Variants in PDE4D observed in about 807,000 individuals in gnomAD.
The protein encoded by PDE4D is phosphodiesterase 4D, also known as 3',5'-cyclic-AMP phosphodiesterase 4D.
A neutral mutation model predicts 87.4 loss-of-function variants in PDE4D; 24 were observed. That is an observed-to-expected ratio of 0.27 (90% CI 0.20 to 0.39). The LOEUF is 0.39. Ranked by LOEUF, PDE4D falls within the 10% of genes least tolerant of loss-of-function variation. The probability of loss-of-function intolerance (pLI) is 1.00; values close to 1 mark genes in which losing one functional copy is unlikely to be tolerated. For missense variants in PDE4D, 714 were observed against 1,041.0 expected, an observed-to-expected ratio of 0.69 and a Z score of 4.32; for synonymous variants, 384 against 383.2, an observed-to-expected ratio of 1.00 and a Z score of -0.02.
At chr5:59,742,466 C>T (rs1270728849) in intron 1 of PDE4D, among the ~76,000 whole-genome samples, 1 of 152,136 alleles carries the variant, frequency 6.6e-6, no homozygotes, top group East Asian at 1.9e-4. Flanking sequence ...TTATTTATTC[C>T]TATTTAGCAA....
chr5:60,114,602 T>C lies in PDE4D; in HGVS notation c.42+70955A>G, dbSNP rs535808720. Among the ~76,000 whole-genome samples the C allele has an allele frequency of 9.2e-5, 14 of 152,148 alleles. 1 individual carries two copies. In the South Asian group the frequency reaches 2.7e-3, roughly 29 times the overall value. ...GTTCCCAATGGTGGACAGGATATAC[T>C]AAAGAAAAACCAAATGATTCATTCC... On this transcript the variant is annotated intron_variant, in intron 2 of 16. Coordinates refer to the PDE4D transcript ENST00000502484.
At chr5:59,031,873 G>C (rs1015639923) in intron 6 of PDE4D, among the ~76,000 whole-genome samples, 2 of 151,966 alleles carry the variant, frequency 1.3e-5, no homozygotes, top group African/African-American at 4.8e-5. Context: ...TCACTTTATG[G>C]GGAATCTAGA....
intron 1 of PDE4D, among the ~76,000 whole-genome samples, chr5:59,293,208 T>C (rs1054183655): frequency 3.9e-5 from 6 of 152,140 alleles, no homozygotes; most frequent in African/African-American, 1.4e-4. Context: ...ACTAAAGCAA[T>C]AATATGGCTT....
chr5:59,719,020 A>G (rs889542831), intron 1 of PDE4D, among the ~76,000 whole-genome samples: 1 of 151,060 alleles, frequency 6.6e-6, no homozygotes, highest in Non-Finnish European at 1.5e-5. Context: ...AAAAAAAAAA[A>G]GCCTCTTGTT....
intron 1 of PDE4D, among the ~76,000 whole-genome samples, chr5:59,847,276 T>C (rs1391844635): frequency 6.6e-6 from 1 of 152,066 alleles, no homozygotes; most frequent in African/African-American, 2.4e-5. Context: ...TCCCATTGTA[T>C]CTCACACCTA....
At chr5:59,143,432 T>G (rs1312228057) in intron 5 of PDE4D, among the ~76,000 whole-genome samples, 1 of 152,200 alleles carries the variant, frequency 6.6e-6, no homozygotes, top group Non-Finnish European at 1.5e-5. Flanking sequence ...ATATAGGGAT[T>G]AAGAGGTTGT....
intron 2 of PDE4D, among the ~76,000 whole-genome samples, chr5:60,106,543 A>T (rs916885328): frequency 6.6e-6 from 1 of 152,086 alleles, no homozygotes; most frequent in African/African-American, 2.4e-5. Flanking sequence ...ACCCCAAATC[A>T]ACAGAATATA....
intron 1 of PDE4D, among the ~76,000 whole-genome samples, chr5:59,717,735 G>A (rs1755230910): frequency 6.6e-6 from 1 of 152,168 alleles, no homozygotes; most frequent in Non-Finnish European, 1.5e-5. Context: ...AGCTAGCACA[G>A]ACAAGCCCTT....
chr5:59,528,518 G>T (rs1400450102), intron 1 of PDE4D, among the ~76,000 whole-genome samples: 1 of 152,064 alleles, frequency 6.6e-6, no homozygotes. Flanking sequence ...ATGTCACAAC[G>T]ATACGATGTG....
intron 3 of PDE4D, among the ~76,000 whole-genome samples, chr5:59,916,227 G>A (rs997930293): frequency 2.6e-5 from 4 of 152,182 alleles, no homozygotes. Context: ...CCTAAGGTAA[G>A]TGGAAAATAA....
intron 3 of PDE4D, among the ~76,000 whole-genome samples, chr5:59,949,700 T>TA (rs1308281637): frequency 6.6e-6 from 1 of 152,170 alleles, no homozygotes; most frequent in African/African-American, 2.4e-5. Context: ...AACTTCCCCA[T>TA]AAAAAGTCAC....
intron 1 of PDE4D, among the ~76,000 whole-genome samples, chr5:59,651,258 CAATAATAATAATAATAATAAT>C (rs59177482): frequency 1.8e-4 from 25 of 142,258 alleles, no homozygotes; most frequent in African/African-American, 6.0e-4. Flanking sequence ...TCTGTCTCAA[CAATAATAATAATAATAATAAT>C]AATAATAATA....
chr5:60,130,644 T>C (rs974595651), intron 2 of PDE4D, among the ~76,000 whole-genome samples: 1 of 152,190 alleles, frequency 6.6e-6, no homozygotes, highest in African/African-American at 2.4e-5. Context: ...GGTGATGACT[T>C]GCACTGTCAC....
At chr5:59,018,617 G>A (rs931549845) in intron 6 of PDE4D, among the ~76,000 whole-genome samples, 10 of 152,164 alleles carry the variant, frequency 6.6e-5, no homozygotes, top group African/African-American at 2.2e-4. Context: ...AGCTAGGGAA[G>A]CATGTATATG....
At chr5:60,475,522 T>A (rs1748242224) in intron 1 of PDE4D, among the ~76,000 whole-genome samples, 1 of 152,110 alleles carries the variant, frequency 6.6e-6, no homozygotes, top group African/African-American at 2.4e-5. Context: ...TCCATTAAAC[T>A]CCAAGAGATT....
intron 1 of PDE4D, among the ~76,000 whole-genome samples, chr5:60,494,065 G>A (rs1749684347): frequency 6.6e-6 from 1 of 152,126 alleles, no homozygotes; most frequent in Admixed American, 6.5e-5. Context: ...ACAAACTCTT[G>A]GCTAAAGTTA....
chr5:60,210,347 G>T (rs909282774), intron 1 of PDE4D, among the ~76,000 whole-genome samples: 11 of 149,688 alleles, frequency 7.3e-5, no homozygotes, highest in Non-Finnish European at 1.0e-4. Context: ...TGTCTCATTT[G>T]TTTTTTTTTT....
At chr5:59,129,536 G>A (rs993367266) in intron 5 of PDE4D, among the ~76,000 whole-genome samples, 23 of 152,178 alleles carry the variant, frequency 1.5e-4, no homozygotes, top group Non-Finnish European at 3.4e-4. Flanking sequence ...ACCATGGTTT[G>A]TAACATTGCT....
intron 5 of PDE4D, among the ~76,000 whole-genome samples, chr5:59,074,477 G>A (rs529662007): frequency 6.6e-6 from 1 of 152,286 alleles, no homozygotes; most frequent in Non-Finnish European, 1.5e-5. Flanking sequence ...AAGCGTCTAG[G>A]CCAGGTGTGG....
Sources: allele counts gnomAD v4.1 joint callset (sites outside exome capture counted in the v4.1 genomes callset), GRCh38; gene constraint gnomAD v4.1.1; transcripts MANE v1.5; gene names NCBI Gene and HGNC (gene_info 2026-07-23, HGNC 2026-07-21).